The following BRSK1 variants were observed in gnomAD, a reference collection of about 807,000 sequenced individuals.
The protein encoded by BRSK1 is BR serine/threonine kinase 1.
In BRSK1, 17 loss-of-function variants were observed where a neutral mutation model predicts 86.2. That is an observed-to-expected ratio of 0.20 (90% CI 0.14 to 0.30). The LOEUF (loss-of-function observed/expected upper bound fraction) is 0.30. Ranked by LOEUF, BRSK1 falls within the 10% of genes least tolerant of loss-of-function variation. The pLI is 1.00. For synonymous variants in BRSK1, 464 were observed against 440.1 expected, an observed-to-expected ratio of 1.05 and a Z score of -0.68; for missense variants, 719 against 1,071.9, an observed-to-expected ratio of 0.67 and a Z score of 4.60.
intron 4 of BRSK1, among the ~76,000 whole-genome samples, chr19:55,292,801 T>C (rs2088427778): frequency 6.6e-6 from 1 of 150,904 alleles, no homozygotes; most frequent in Non-Finnish European, 1.5e-5. Flanking sequence ...GCCACTGCAC[T>C]GCAGCCTGGT....
Position 55,303,350 on chromosome 19 carries a change from T to G in BRSK1, c.1068T>G (p.Asp356Glu). 1 of 1,614,018 alleles carries G rather than the reference T, an allele frequency of 6.2e-7. No individual in the cohort carries two copies. Among genetic ancestry groups the G allele is most frequent in the Non-Finnish European group, 8.5e-7 (1 of 1,179,992 alleles). Residue 356 changes from aspartate (D) to glutamate (E), a missense_variant, in exon 11 of 19, where the codon GAT becomes GAG. Physicochemically the swap from Asp to Glu is conservative, Grantham distance 45 (BLOSUM62 2). Around this residue, in one of 6 missense-constraint regions of BRSK1, gnomAD observed 168 missense variants for 246.3 expected, o/e 0.68. Coordinates refer to ENST00000309383, the MANE Select transcript of BRSK1 (RefSeq NM_032430.2). This position sits in a 1 kb window ranked among gnomAD's most constrained non-coding sequence, Gnocchi z 5.1. ...AGATGATATATTATCTGCTTTTGGA[T>G]CGGAAGGAGCGGTATCCCAGCTGTG... is the stretch of plus-strand genomic sequence containing the variant. ...QEKMIYYLLLDRKERYPSCED... is the reference protein window; with the variant it reads ...QEKMIYYLLLERKERYPSCED...
At chr19:55,288,759 AT>A (rs1382083560) in intron 3 of BRSK1, among the ~76,000 whole-genome samples, 1 of 151,736 alleles carries the variant, frequency 6.6e-6, no homozygotes, top group Non-Finnish European at 1.5e-5. Flanking sequence ...CTAATTTTGT[AT>A]TTTTAGTAGA....
At position 55,294,291 on chromosome 19, in the gene BRSK1, T is replaced by C; in HGVS notation, c.610-38T>C. The C allele has an allele frequency of 1.9e-6, 3 of 1,614,018 alleles. No homozygotes were observed. The highest frequency in any genetic ancestry group is 1.6e-4 in the Middle Eastern group (1 of 6,062). The stretch of plus-strand genomic sequence containing the variant: ...GAGGGGAGAGGGGTGGAGGCAGCAG[T>C]GAGGAGCGATGAAGTCACAACTGGC... On this transcript the variant is annotated intron_variant, in intron 6 of 18. Coordinates refer to ENST00000309383, the MANE Select transcript of BRSK1 (RefSeq NM_032430.2). The surrounding 1 kb of genome is among the most constrained non-coding windows in gnomAD (Gnocchi z 4.9).
In BRSK1 at chr19:55,302,391, G is replaced by A. The variant is rs1195283814; in HGVS notation, c.857+223G>A. The A allele has an allele frequency of 1.4e-5, 9 of 625,168 alleles. No homozygotes were observed. Among genetic ancestry groups the A allele is most frequent in the Non-Finnish European group, 2.5e-5 (9 of 357,404 alleles). The allele number at this position is 625,168 out of a possible 1,614,324, so 38.7% of individuals were successfully genotyped here. A position where few individuals can be genotyped will look rare whatever the true frequency, so the allele number is the denominator to read the frequency against. ...GGAGTCCAGGACTCCCAGGTTTGAG[G>A]GAAAAAGGGACTGGGGGCCTGGACT... On this transcript the variant is annotated intron_variant, in intron 9 of 18. Transcript: ENST00000309383. The surrounding 1 kb of genome is among the most constrained non-coding windows in gnomAD (Gnocchi z 6.3).
At chr19:55,292,146 G>A (rs919836648) in intron 4 of BRSK1, among the ~76,000 whole-genome samples, 3 of 152,134 alleles carry the variant, frequency 2.0e-5, no homozygotes, top group Non-Finnish European at 1.5e-5. Context: ...GATATTCAAC[G>A]TATTTAACAA....
chr19:55,290,229 C>T (rs570130478), intron 4 of BRSK1, among the ~76,000 whole-genome samples: 26 of 152,338 alleles, frequency 1.7e-4, no homozygotes, highest in African/African-American at 4.3e-4. Context: ...CTCTTGACCT[C>T]AGGTGATCTG....
At chr19:55,307,788 A>ACACACACAAT (rs1458252845) in intron 17 of BRSK1, among the ~76,000 whole-genome samples, 2 of 97,814 alleles carry the variant, frequency 2.0e-5, no homozygotes, top group African/African-American at 7.7e-5. Context: ...ACACACACAC[A>ACACACACAAT]ATTTAAAAAA....
At chr19:55,299,128 G>T (rs1200602605) in intron 7 of BRSK1, among the ~76,000 whole-genome samples, 2 of 152,060 alleles carry the variant, frequency 1.3e-5, no homozygotes, top group Non-Finnish European at 2.9e-5. Flanking sequence ...TGCACTCCGG[G>T]CTACAGTGCT....
At chr19:55,307,030 A>G (rs1234450200) in intron 17 of BRSK1, among the ~76,000 whole-genome samples, 1 of 152,214 alleles carries the variant, frequency 6.6e-6, no homozygotes, top group Non-Finnish European at 1.5e-5. Context: ...TTGGCACAAG[A>G]AAGGAAAACC....
Position 55,310,826 on chromosome 19 carries a change from C to G in BRSK1, c.2180-1085C>G, listed in dbSNP as rs564814760. 6.6e-6 allele frequency among the ~76,000 whole-genome samples: 1 copy of G among 152,260 alleles called. No individual in the cohort carries two copies. Among genetic ancestry groups the G allele is most frequent in the African/African-American group, 2.4e-5 (1 of 41,552 alleles). ...AAAGCTGGCCTCAGCAACCAGGGGT[C>G]TCAAAACGGGCACACCCTGGAAGAT... is the stretch of plus-strand genomic sequence containing the variant. On this transcript the variant is annotated intron_variant, in intron 18 of 18. Transcript: ENST00000309383. The surrounding 1 kb of genome is among the most constrained non-coding windows in gnomAD (Gnocchi z 5.0).
chr19:55,304,976 C>A lies in BRSK1; in HGVS notation c.1717+56C>A. ...GTGGGGAGAGGTTGGGGCTAAAAAT[C>A]TGGTTCCAGGGATGTCCGTCTGGCG... On this transcript the variant is annotated intron_variant, in intron 14 of 18. Coordinates refer to ENST00000309383, the MANE Select transcript of BRSK1 (RefSeq NM_032430.2). The surrounding 1 kb of genome is among the most constrained non-coding windows in gnomAD (Gnocchi z 5.2). The A allele has an allele frequency of 1.3e-6, 2 of 1,589,558 alleles. No homozygotes were observed. The highest frequency in any genetic ancestry group is 1.7e-6 in the Non-Finnish European group (2 of 1,175,436).
In BRSK1 at chr19:55,294,379, C is replaced by T; in HGVS notation, c.660C>T (p.Ile220=). Residue 220 remains isoleucine (I), a synonymous_variant, in exon 7 of 19, where the codon ATC becomes ATT. Coordinates refer to ENST00000309383, the MANE Select transcript of BRSK1 (RefSeq NM_032430.2). This position sits in a 1 kb window ranked among gnomAD's most constrained non-coding sequence, Gnocchi z 4.9. The part of the protein sequence containing the change: ...RRADMWSCGV[I]LFALLVGALP... ...CAGACATGTGGAGCTGTGGAGTCAT[C>T]CTCTTCGCCCTGCTCGTGGTAAGGC... is the stretch of plus-strand genomic sequence containing the variant. The T allele has an allele frequency of 6.2e-7, 1 of 1,614,072 alleles. No homozygotes were observed. The highest frequency in any genetic ancestry group is 8.5e-7 in the Non-Finnish European group (1 of 1,180,026).
rs547605694 is a variant in BRSK1, at chr19:55,293,501, C to CAATA, written c.459-490_459-487dup. Among the ~76,000 whole-genome samples the CAATA allele has an allele frequency of 7.5e-3, 1,111 of 148,518 alleles. 8 individuals carry two copies. Among genetic ancestry groups the CAATA allele is most frequent in the African/African-American group, 0.019 (768 of 40,092 alleles). The stretch of plus-strand genomic sequence containing the variant: ...TGGGTGATAGAATGAGACTCCATCT[C>CAATA]AATAAATAAATAAATAAATAAATAA... On this transcript the variant is annotated intron_variant, in intron 4 of 18. Transcript: ENST00000309383.
At chr19:55,285,515 C>G (rs2088296954) in intron 1 of BRSK1, among the ~76,000 whole-genome samples, 1 of 152,150 alleles carries the variant, frequency 6.6e-6, no homozygotes, top group East Asian at 1.9e-4. Context: ...CCTCTGGCCT[C>G]CAGTTCTCCA....
chr19:55,306,418 G>T lies in BRSK1; in HGVS notation c.2057G>T (p.Gly686Val). The change falls in exon 17 of 19, where the codon GGC becomes GTC. Residue 686 changes from glycine (G) to valine (V), a missense_variant. Physicochemically the swap from Gly to Val is moderately radical, Grantham distance 109. Around this residue, in one of 6 missense-constraint regions of BRSK1, gnomAD observed 180 missense variants for 259.4 expected, o/e 0.69. Coordinates refer to ENST00000309383, the MANE Select transcript of BRSK1 (RefSeq NM_032430.2). This position sits in a 1 kb window ranked among gnomAD's most constrained non-coding sequence, Gnocchi z 4.7. ...CGACGGGACGGCAGCGGAGGTGGTG[G>T]CATCTACTCCGTCACCTTCACTCTC... Reference protein sequence around the residue: ...SPRRDGSGGGGIYSVTFTLIS... With the variant: ...SPRRDGSGGGVIYSVTFTLIS... 1 of 1,613,622 alleles carries T rather than the reference G, an allele frequency of 6.2e-7. No homozygotes were observed. The highest frequency in any genetic ancestry group is 8.5e-7 in the Non-Finnish European group (1 of 1,180,014).
At position 55,287,976 on chromosome 19, in the gene BRSK1, G is replaced by C. The variant is rs1029370711; in HGVS notation, c.317+677G>C. The C allele has an allele frequency of 6.4e-6, 1 of 155,244 alleles. No homozygotes were observed. The allele number at this position is 155,244 out of a possible 1,614,324, so 9.6% of individuals were successfully genotyped here. A position where few individuals can be genotyped will look rare whatever the true frequency, so the allele number is the denominator to read the frequency against. On this transcript the variant is annotated intron_variant, in intron 3 of 18. Transcript: ENST00000309383. The surrounding 1 kb of genome is among the most constrained non-coding windows in gnomAD (Gnocchi z 5.3). ...CCCCGGATGAACTGACATCAGGTCC[G>C]TCGATGCTGGCGCAGGTTTCACCAC...
chr19:55,286,900 A>G (rs2088325639), intron 1 of BRSK1, 107 bp from the exon 2 acceptor site: 2 of 990,364 alleles, frequency 2.0e-6, no homozygotes, highest in African/African-American at 1.6e-5. Context: ...ATTGTTAAAC[A>G]GCCAGCCCAG....
At chr19:55,285,198 C>T (rs185731435) in intron 1 of BRSK1, among the ~76,000 whole-genome samples, 23 of 148,564 alleles carry the variant, frequency 1.5e-4, no homozygotes, top group African/African-American at 3.2e-4. Context: ...GGTCTGGACT[C>T]CTGGGTCTGA....
At chr19:55,289,681 G>A (rs940016196) in intron 4 of BRSK1, 61 bp downstream of exon 4, 8 of 1,587,278 alleles carry the variant, frequency 5.0e-6, no homozygotes, top group South Asian at 1.1e-5. Flanking sequence ...AGGCCCTTGG[G>A]GGCATGTGGA....
Sources: allele counts gnomAD v4.1 joint callset (sites outside exome capture counted in the v4.1 genomes callset), GRCh38; gene constraint gnomAD v4.1.1; regional missense constraint gnomAD v4.1.1; non-coding constraint Gnocchi (gnomAD v3.1); transcripts MANE v1.5; gene names NCBI Gene and HGNC (gene_info 2026-07-23, HGNC 2026-07-21).